CEP63: variants seen among roughly 807,000 people sequenced by gnomAD.
The protein encoded by CEP63 is centrosomal protein of 63 kDa.
A neutral mutation model predicts 89.1 loss-of-function variants in CEP63; 84 were observed. That is an observed-to-expected ratio of 0.94 (90% confidence interval 0.79 to 1.13). The LOEUF is 1.13. Among genes scored for constraint, CEP63 ranks in the 50% most tolerant of loss-of-function variants. CEP63 has a pLI of 0.00. For synonymous variants in CEP63, 267 were observed against 272.5 expected (o/e 0.98, Z 0.20); for missense variants, 838 against 813.3 (o/e 1.03, Z -0.37).
At chr3:134,738,966 TAA>T in the CEP63 span, among the ~76,000 whole-genome samples, 3,507 of 146,590 alleles carry the variant, frequency 0.024, 119 homozygotes, top group African/African-American at 0.074. Flanking sequence ...ATGGCTATAA[TAA>T]AAAAAAAAAA....
At chr3:134,625,410 G>C in the CEP63 span, among the ~76,000 whole-genome samples, 1 of 152,210 alleles carries the variant, frequency 6.6e-6, no homozygotes. Flanking sequence ...AGTAGGAAAC[G>C]GGCTTAACCT....
At chr3:134,753,637 CA>C in the CEP63 span, among the ~76,000 whole-genome samples, 1 of 152,358 alleles carries the variant, frequency 6.6e-6, no homozygotes, top group African/African-American at 2.4e-5. Flanking sequence ...CATACACAGT[CA>C]CATTCCAATG....
rs1329040874 is a variant in CEP63, at chr3:134,558,415, A to G, written c.1673+68A>G. On this transcript the variant is annotated intron_variant, in intron 13 of 14. Transcript: ENST00000675561. The stretch of plus-strand genomic sequence containing the variant: ...ATATAATTCTCATTTCTTTGAGAAT[A>G]ATTTTTGACTTACAGAAATTAAATC... The G allele has an allele frequency of 2.7e-6, 3 of 1,092,784 alleles. No homozygotes were observed. The Admixed American group carries it at 6.1e-5, about 22-fold the overall frequency. The allele number at this position is 1,092,784 out of a possible 1,614,324, so 67.7% of individuals were successfully genotyped here.
chr3:134,724,917 T>C, the CEP63 span, among the ~76,000 whole-genome samples: 2 of 152,172 alleles, frequency 1.3e-5, no homozygotes, highest in African/African-American at 4.8e-5. Flanking sequence ...TTACCAATAA[T>C]GAGAGGCAAG....
the CEP63 span, among the ~76,000 whole-genome samples, chr3:134,635,591 G>T: frequency 6.6e-6 from 1 of 151,708 alleles, no homozygotes; most frequent in Non-Finnish European, 1.5e-5. Flanking sequence ...TTTAAAGAGG[G>T]AAATAGAACT....
chr3:134,656,933 A>G, the CEP63 span, among the ~76,000 whole-genome samples: 13 of 152,220 alleles, frequency 8.5e-5, no homozygotes, highest in African/African-American at 3.1e-4. Flanking sequence ...TCATCCCACC[A>G]TCTAGAGATA....
chr3:134,725,426 C>T, the CEP63 span, among the ~76,000 whole-genome samples: 6 of 152,102 alleles, frequency 3.9e-5, no homozygotes, highest in Admixed American at 1.3e-4. Flanking sequence ...CAGGAACTCA[C>T]GTGTCTCTTG....
chr3:134,701,030 GT>G, the CEP63 span, among the ~76,000 whole-genome samples: 140,216 of 151,284 alleles, frequency 0.93, 65,307 homozygotes, highest in East Asian at 1. Context: ...GCTTTTATAT[GT>G]TTTTTTGTGT....
chr3:134,729,048 C>G, the CEP63 span, among the ~76,000 whole-genome samples: 3 of 152,086 alleles, frequency 2.0e-5, no homozygotes, highest in African/African-American at 7.2e-5. Flanking sequence ...TACACACAGT[C>G]TCATTTATCT....
chr3:134,579,778 A>C (rs1213259240), downstream of CEP63, among the ~76,000 whole-genome samples: 2 of 152,246 alleles, frequency 1.3e-5, no homozygotes, highest in Non-Finnish European at 2.9e-5. Context: ...CATTACTCAT[A>C]ATAGCCAAAA....
At chr3:134,734,827 T>C in the CEP63 span, among the ~76,000 whole-genome samples, 1 of 152,190 alleles carries the variant, frequency 6.6e-6, no homozygotes, top group African/African-American at 2.4e-5. Context: ...AACATTCTTG[T>C]CAACTAAAAC....
At chr3:134,688,126 A>G in the CEP63 span, among the ~76,000 whole-genome samples, 2 of 152,268 alleles carry the variant, frequency 1.3e-5, no homozygotes, top group South Asian at 4.1e-4. Context: ...TGTTCATAGC[A>G]GTATTATTCA....
Position 134,558,312 on chromosome 3 carries a change from C to T in CEP63, c.1638C>T (p.His546=). 6.2e-7 allele frequency: 1 copy of T among 1,613,682 alleles called. No homozygotes were observed. The change falls in exon 13 of 15, where the codon CAC becomes CAT. Residue 546 remains histidine (H), a synonymous_variant. Coordinates refer to ENST00000675561, the MANE Select transcript of CEP63 (RefSeq NM_001353108.3). ...KQNDRIFKPT[H]SRTTEFKNTE... is the part of the protein sequence containing the mutation. ...ATGACAGGATCTTTAAACCAACACA[C>T]AGCAGAACAACTGAGTTCAAGAATA...
In CEP63 at chr3:134,559,305, G is replaced by T. The variant is rs375438421; in HGVS notation, c.1829G>T (p.Arg610Met). ...SPQISPCSST[R>M]SLTSYSLCKT... The stretch of plus-strand genomic sequence containing the variant: ...CAAATCAGCCCTTGCAGCTCCACCA[G>T]GTCTTTGACTTCCTACTCTCTATGT... Residue 610 changes from arginine to methionine, a missense_variant, in exon 14 of 15, where the codon AGG becomes ATG. Coordinates refer to ENST00000675561, the MANE Select transcript of CEP63 (RefSeq NM_001353108.3). The T allele has an allele frequency of 3.3e-5, 53 of 1,614,060 alleles. No homozygotes were observed. The Middle Eastern group carries it at 9.9e-4, about 30-fold the overall frequency.
chr3:134,782,107 C>T, the CEP63 span, among the ~76,000 whole-genome samples: 1 of 152,092 alleles, frequency 6.6e-6, no homozygotes, highest in Non-Finnish European at 1.5e-5. Flanking sequence ...GAGTTTTAAT[C>T]AAATATTCTG....
chr3:134,601,656 C>T, the CEP63 span, among the ~76,000 whole-genome samples: 3 of 152,204 alleles, frequency 2.0e-5, no homozygotes, highest in African/African-American at 7.2e-5. Context: ...TGGGTGGCCT[C>T]GGTGGCAGAG....
chr3:134,737,425 A>T, the CEP63 span, among the ~76,000 whole-genome samples: 1 of 152,178 alleles, frequency 6.6e-6, no homozygotes, highest in Non-Finnish European at 1.5e-5. Flanking sequence ...TATATAAATA[A>T]CCTCTACAAA....
chr3:134,632,758 A>C, the CEP63 span, among the ~76,000 whole-genome samples: 1 of 151,980 alleles, frequency 6.6e-6, no homozygotes, highest in East Asian at 1.9e-4. Flanking sequence ...AAATAAGAGA[A>C]TAAATCACTG....
At chr3:134,587,301 C>G (rs1269375094) in intron 10 of CEP63, among the ~76,000 whole-genome samples, 1 of 152,186 alleles carries the variant, frequency 6.6e-6, no homozygotes, top group Non-Finnish European at 1.5e-5. Context: ...TTCAGCTTTT[C>G]TGCTCTGGTT....
Sources: allele counts gnomAD v4.1 joint callset (sites outside exome capture counted in the v4.1 genomes callset), GRCh38; gene constraint gnomAD v4.1.1; transcripts MANE v1.5; gene names NCBI Gene and HGNC (gene_info 2026-07-23, HGNC 2026-07-21).